Variants in TBC1D5 observed in about 807,000 individuals in gnomAD.
TBC1D5 encodes the protein TBC1 domain family member 5.
A neutral mutation model predicts 100.3 loss-of-function variants in TBC1D5; 75 were observed. That is an observed-to-expected ratio of 0.75 (90% confidence interval 0.62 to 0.91). TBC1D5 has a LOEUF of 0.91. TBC1D5 is among the 40% of genes least tolerant of loss of function. The pLI, the probability that TBC1D5 is intolerant of heterozygous loss-of-function variation, is 0.00. For synonymous variants in TBC1D5, 323 were observed against 325.6 expected, an observed-to-expected ratio of 0.99 and a Z score of 0.09; for missense variants, 910 against 942.4, an observed-to-expected ratio of 0.97 and a Z score of 0.45.
chr3:17,234,750 A>G (rs1253888091), intron 17 of TBC1D5, among the ~76,000 whole-genome samples: 1 of 152,162 alleles, frequency 6.6e-6, no homozygotes, highest in Non-Finnish European at 1.5e-5. Context: ...CTTTTATATA[A>G]TATATACAGT....
intron 19 of TBC1D5, among the ~76,000 whole-genome samples, chr3:17,171,829 T>C (rs1325841302): frequency 6.6e-6 from 1 of 152,142 alleles, no homozygotes; most frequent in Non-Finnish European, 1.5e-5. Context: ...TTATACAGGA[T>C]GAAAAGCATC....
intron 10 of TBC1D5, 21 bp downstream of exon 10, chr3:17,376,504 C>T (rs1411300487): frequency 7.6e-6 from 12 of 1,578,360 alleles, no homozygotes; most frequent in Non-Finnish European, 1.0e-5. Context: ...AAATGGAGCT[C>T]ATATTAAAAA....
chr3:17,292,787 C>T (rs577002230), intron 14 of TBC1D5, among the ~76,000 whole-genome samples: 1 of 152,312 alleles, frequency 6.6e-6, no homozygotes, highest in East Asian at 1.9e-4. Flanking sequence ...ACTGCCTCCA[C>T]AGCACTGACT....
chr3:17,510,907 G>C (rs1008648681), intron 2 of TBC1D5, among the ~76,000 whole-genome samples: 1 of 151,868 alleles, frequency 6.6e-6, no homozygotes, highest in Non-Finnish European at 1.5e-5. Flanking sequence ...AATTTGTCTA[G>C]AATCACACAA....
intron 2 of TBC1D5, among the ~76,000 whole-genome samples, chr3:17,530,318 T>C (rs2096203931): frequency 6.8e-6 from 1 of 147,326 alleles, no homozygotes; most frequent in South Asian, 2.2e-4. Context: ...AGTATACAAA[T>C]ACACCTAGAT....
chr3:17,328,429 G>C (rs2086445386), intron 13 of TBC1D5, among the ~76,000 whole-genome samples: 1 of 151,988 alleles, frequency 6.6e-6, no homozygotes, highest in Non-Finnish European at 1.5e-5. Flanking sequence ...TCTTCCTACT[G>C]ACCTAACCTG....
chr3:17,238,407 T>C, exon 17 of TBC1D5: 3 of 1,612,472 alleles, frequency 1.9e-6, no homozygotes, highest in Non-Finnish European at 2.5e-6. Context: ...GGGGAGCACC[T>C]TTGGCATTGG....
At chr3:17,736,926 T>C (rs2077005641) in intron 1 of TBC1D5, among the ~76,000 whole-genome samples, 1 of 152,004 alleles carries the variant, frequency 6.6e-6, no homozygotes, top group Non-Finnish European at 1.5e-5. Flanking sequence ...GGCAGGAGAA[T>C]CACTTGAACC....
At chr3:17,508,436 T>C in intron 3 of TBC1D5, 38 bp downstream of exon 3, 1 of 1,545,472 alleles carries the variant, frequency 6.5e-7, no homozygotes, top group Non-Finnish European at 8.9e-7. Flanking sequence ...GGTTTCCCAG[T>C]ACACTACCTA....
intron 8 of TBC1D5, among the ~76,000 whole-genome samples, chr3:17,386,160 CCTT>C (rs1349722674): frequency 6.6e-6 from 1 of 151,944 alleles, no homozygotes; most frequent in Non-Finnish European, 1.5e-5. Context: ...AATTTTCTCT[CCTT>C]CTCATTATAT....
intron 2 of TBC1D5, among the ~76,000 whole-genome samples, chr3:17,522,328 C>T (rs914977768): frequency 6.6e-6 from 1 of 151,694 alleles, no homozygotes; most frequent in Admixed American, 6.6e-5. Context: ...AGAAAACTGA[C>T]ATATATTAAA....
chr3:17,234,833 C>T (rs1387193229), intron 17 of TBC1D5, among the ~76,000 whole-genome samples: 2 of 152,158 alleles, frequency 1.3e-5, no homozygotes, highest in East Asian at 3.9e-4. Flanking sequence ...ACAGCATGGC[C>T]AGCTAATCCG....
rs148046499 is a variant in TBC1D5 at position 17,593,302 on chromosome 3, T to C, written c.-36+30547A>G. Among the ~76,000 whole-genome samples, 811 of 152,182 alleles carry C rather than the reference T, an allele frequency of 5.3e-3. 5 individuals are homozygous for C. Among genetic ancestry groups the C allele is most frequent in the South Asian group, 0.021 (99 of 4,818 alleles). On this transcript the variant is annotated intron_variant, in intron 2 of 21. Coordinates refer to ENST00000253692, the Ensembl canonical transcript of TBC1D5. ...CCCAGCTGCCCCTGTCATCACCCAA[T>C]GGGCCCATGAACAAAGTGGTCATGG...
intron 2 of TBC1D5, 133 bp from the exon 3 acceptor site, chr3:17,508,738 A>G: frequency 2.4e-6 from 1 of 415,602 alleles, no homozygotes; most frequent in Non-Finnish European, 4.4e-6. Context: ...AGGGACTGTT[A>G]TCTCACATTG....
At chr3:17,698,628 TTTC>T in intron 1 of TBC1D5, among the ~76,000 whole-genome samples, 1 of 146,212 alleles carries the variant, frequency 6.8e-6, no homozygotes, top group Non-Finnish European at 1.5e-5. Flanking sequence ...GGGAGAAAAT[TTTC>T]GCAACCTACT....
At chr3:17,368,393 A>G (rs2092287839) in intron 13 of TBC1D5, among the ~76,000 whole-genome samples, 5 of 152,122 alleles carry the variant, frequency 3.3e-5, no homozygotes, top group Admixed American at 3.3e-4. Context: ...TTCTCTTGGA[A>G]AAACTGGTTT....
rs539211381 is a variant in TBC1D5, at chr3:17,214,988, TAG to T, written c.1589-620_1589-619del. Among the ~76,000 whole-genome samples the T allele has an allele frequency of 6.6e-5, 10 of 152,074 alleles. No homozygotes were observed. The East Asian group carries it at 1.9e-3, about 30-fold the overall frequency. On this transcript the variant is annotated intron_variant, in intron 17 of 21. Coordinates refer to ENST00000253692, the Ensembl canonical transcript of TBC1D5. ...GAGATCACAAAGTGACCGGTATGGT[TAG>T]AGCTAAGAGCAAGGAGGAGAAGGGT...
intron 17 of TBC1D5, among the ~76,000 whole-genome samples, chr3:17,231,165 G>A (rs2075385939): frequency 6.6e-6 from 1 of 152,100 alleles, no homozygotes; most frequent in Non-Finnish European, 1.5e-5. Flanking sequence ...TCTTGTGTGT[G>A]TACCTGTGTT....
upstream of TBC1D5, among the ~76,000 whole-genome samples, chr3:17,741,980 T>C (rs555749078): frequency 6.6e-6 from 1 of 152,240 alleles, no homozygotes; most frequent in African/African-American, 2.4e-5. Context: ...CCCGTTTCGC[T>C]TCCGGCTAGG....
Sources: gnomAD v4.1 joint callset for allele counts (sites outside exome capture counted in the v4.1 genomes callset) on GRCh38, gnomAD v4.1.1 for gene constraint, MANE v1.5 for transcripts, NCBI Gene and HGNC (gene_info 2026-07-23, HGNC 2026-07-21) for gene names.